OXNAD1: variants seen among roughly 807,000 people sequenced by gnomAD.
OXNAD1 encodes oxidoreductase NAD-binding domain-containing protein 1.
A neutral mutation model predicts 32.9 loss-of-function variants in OXNAD1; 34 were observed. That is an observed-to-expected ratio of 1.03 (90% CI 0.79 to 1.38). The LOEUF (loss-of-function observed/expected upper bound fraction) is 1.38. Ranked by LOEUF, OXNAD1 falls within the 40% of genes most tolerant of loss-of-function variation. OXNAD1 has a pLI of 0.00. For synonymous variants in OXNAD1, 134 were observed against 135.2 expected (o/e 0.99, Z 0.06); for missense variants, 407 against 379.4 (o/e 1.07, Z -0.60).
At chr3:16,296,634 GT>G (rs1339898058) in intron 6 of OXNAD1, among the ~76,000 whole-genome samples, 1 of 152,144 alleles carries the variant, frequency 6.6e-6, no homozygotes, top group Admixed American at 6.5e-5. Context: ...ATCAAATAAT[GT>G]TACAGAATGA....
At position 16,294,977 on chromosome 3, in the gene OXNAD1, G is replaced by A; in HGVS notation, c.412G>A (p.Ala138Thr). The A allele has an allele frequency of 6.2e-7, 1 of 1,612,194 alleles. No individual in the cohort carries two copies. The highest frequency in any genetic ancestry group is 1.3e-5 in the African/African-American group (1 of 74,832). ...LAVKYTNHPP[A>T]LWVHNTCTLD... The stretch of plus-strand genomic sequence containing the variant: ...AGTGAAATATACGAACCACCCTCCT[G>A]CCCTCTGGGTTCACAATACGGTAAG... The change falls in exon 6 of 9, where the codon GCC (alanine) becomes ACC (threonine). Residue 138 changes from alanine (A) to threonine (T), a missense_variant. By Grantham distance (58) the Ala-to-Thr change is moderately conservative (BLOSUM62 0). Coordinates refer to ENST00000285083, the MANE Select transcript of OXNAD1 (RefSeq NM_138381.5).
At chr3:16,326,626 TCTG>T (rs1463968037) in intron 9 of OXNAD1, 2 of 628,322 alleles carry the variant, frequency 3.2e-6, no homozygotes, top group Admixed American at 2.9e-5. Flanking sequence ...AAATTCTGGC[TCTG>T]CTGCTTCCCA....
chr3:16,336,100 G>A lies in OXNAD1; in HGVS notation c.*31-1012G>A, dbSNP rs2070822426. 6.6e-6 allele frequency among the ~76,000 whole-genome samples: 1 copy of A among 152,228 alleles called. No homozygotes were observed. The highest frequency in any genetic ancestry group is 2.4e-5 in the African/African-American group (1 of 41,470). On this transcript the variant is annotated intron_variant, in intron 9 of 9. Transcript: ENST00000435829. This position sits in a 1 kb window ranked among gnomAD's most constrained non-coding sequence, Gnocchi z 6.0. ...GAGGCAGGGTGGACAGGAATGCCAA[G>A]ACAGAAAGAAGGGCCACTTCACCTC... is the stretch of plus-strand genomic sequence containing the variant.
rs1182017677 is a variant in OXNAD1, at chr3:16,346,928, C to G, written c.*31-2248C>G. Among the ~76,000 whole-genome samples the G allele has an allele frequency of 6.6e-6, 1 of 152,122 alleles. No individual in the cohort carries two copies. The highest frequency in any genetic ancestry group is 1.5e-5 in the Non-Finnish European group (1 of 68,020). On this transcript the variant is annotated intron_variant, in intron 9 of 9. Coordinates refer to the OXNAD1 transcript ENST00000606098. The surrounding 1 kb of genome is among the most constrained non-coding windows in gnomAD (Gnocchi z 4.4). ...TGACAAAGCTGACTCTGCAACCTCC[C>G]CACCTTGCTCTAGACTTCCTGCTCA...
At chr3:16,323,112 C>G (rs917623650) in intron 9 of OXNAD1, among the ~76,000 whole-genome samples, 2 of 152,186 alleles carry the variant, frequency 1.3e-5, no homozygotes, top group African/African-American at 2.4e-5. Flanking sequence ...GAATATCTAG[C>G]AGGCTGAAGC....
chr3:16,281,831 G>A (rs1009856851), intron 4 of OXNAD1, among the ~76,000 whole-genome samples: 3 of 151,172 alleles, frequency 2.0e-5, no homozygotes, highest in Non-Finnish European at 2.9e-5. Flanking sequence ...AATCTACCTC[G>A]AGGCTGTATT....
chr3:16,278,801 C>T (rs1431627392), intron 4 of OXNAD1, among the ~76,000 whole-genome samples: 1 of 152,134 alleles, frequency 6.6e-6, no homozygotes, highest in African/African-American at 2.4e-5. Context: ...ATGGCTGGGC[C>T]CCTGGGGCAG....
At chr3:16,331,703 CT>C (rs1553720984) in intron 9 of OXNAD1, among the ~76,000 whole-genome samples, 1 of 152,206 alleles carries the variant, frequency 6.6e-6, no homozygotes, top group Non-Finnish European at 1.5e-5. Flanking sequence ...CTAATCTGGT[CT>C]GGCTGCTTTT....
In OXNAD1 at chr3:16,312,347, C is replaced by T. The variant is rs2068034884; in HGVS notation, c.*30+8755C>T. ...CATAGTGCAGGCAGAGCACTAATCA[C>T]CAGGGGCCCACCCTGCACTACTCAC... On this transcript the variant is annotated intron_variant, in intron 9 of 9. Coordinates refer to the OXNAD1 transcript ENST00000435829. The surrounding 1 kb of genome is among the most constrained non-coding windows in gnomAD (Gnocchi z 4.7). 1.3e-5 allele frequency among the ~76,000 whole-genome samples: 2 copies of T among 152,164 alleles called. No homozygotes were observed. The highest frequency in any genetic ancestry group is 1.3e-4 in the Admixed American group (2 of 15,280).
chr3:16,306,334 GGT>G (rs892186965), downstream of OXNAD1, among the ~76,000 whole-genome samples: 1 of 152,092 alleles, frequency 6.6e-6, no homozygotes, highest in African/African-American at 2.4e-5. Flanking sequence ...TCTTCTTGCT[GGT>G]GTGTTTTCAA....
intron 5 of OXNAD1, among the ~76,000 whole-genome samples, chr3:16,292,779 G>C (rs1407816721): frequency 6.6e-6 from 1 of 152,198 alleles, no homozygotes; most frequent in African/African-American, 2.4e-5. Context: ...TGAGTAGACT[G>C]TTCTTTTGCC....
intron 4 of OXNAD1, chr3:16,272,384 T>C (rs1251637911): frequency 4.4e-6 from 1 of 229,282 alleles, no homozygotes; most frequent in Non-Finnish European, 8.9e-6. Flanking sequence ...TTTTTGAATG[T>C]TTATCACTTA....
chr3:16,268,642 T>G (rs2064722957), intron 1 of OXNAD1, among the ~76,000 whole-genome samples: 1 of 152,136 alleles, frequency 6.6e-6, no homozygotes, highest in African/African-American at 2.4e-5. Context: ...GAACTACTTT[T>G]AAAATTAACA....
Position 16,265,562 on chromosome 3 carries a change from T to C in OXNAD1, c.-159+57T>C, listed in dbSNP as rs947133222. On this transcript the variant is annotated intron_variant, in intron 1 of 8. Coordinates refer to ENST00000285083, the MANE Select transcript of OXNAD1 (RefSeq NM_138381.5). The surrounding 1 kb of genome is among the most constrained non-coding windows in gnomAD (Gnocchi z 4.8). ...CTTAAAATACCCTAAATTGTGTTGC[T>C]GAAAGGACCAAGCCCTGGAAGGCAG... 1 of 152,290 alleles carries C rather than the reference T, an allele frequency of 6.6e-6. No individual in the cohort carries two copies. Among genetic ancestry groups the C allele is most frequent in the Admixed American group, 6.5e-5 (1 of 15,278 alleles). The allele number at this position is 152,290 out of a possible 1,614,324, so 9.4% of individuals were successfully genotyped here. A position where few individuals can be genotyped will look rare whatever the true frequency, so the allele number is the denominator to read the frequency against.
intron 4 of OXNAD1, among the ~76,000 whole-genome samples, chr3:16,272,860 A>C (rs933185485): frequency 2.0e-5 from 3 of 151,930 alleles, no homozygotes; most frequent in Admixed American, 2.0e-4. Flanking sequence ...GAAAAAAAAA[A>C]GTGATTTATC....
At chr3:16,276,027 T>TA (rs1221974673) in intron 4 of OXNAD1, 1 of 155,308 alleles carries the variant, frequency 6.4e-6, no homozygotes, top group Non-Finnish European at 1.4e-5. Context: ...TTAACTAGTT[T>TA]AAGAGTTAAC....
At position 16,329,585 on chromosome 3, in the gene OXNAD1, C is replaced by T. The variant is rs769622640; in HGVS notation, c.*31-7527C>T. On this transcript the variant is annotated intron_variant, in intron 9 of 9. Transcript: ENST00000435829. This position sits in a 1 kb window ranked among gnomAD's most constrained non-coding sequence, Gnocchi z 4.5. ...CCAGACCAGCACAGCCCGTATTCCT[C>T]CTGCTGGGTGCCACGCTCACCACCT... Among the ~76,000 whole-genome samples, 1 of 152,202 alleles carries T rather than the reference C, an allele frequency of 6.6e-6. No homozygotes were observed.
At chr3:16,340,053 G>GA (rs565082510), downstream of OXNAD1, among the ~76,000 whole-genome samples, 3 of 152,306 alleles carry the variant, frequency 2.0e-5, no homozygotes, top group South Asian at 6.2e-4. Context: ...ATTCACGTAT[G>GA]AAAATTAGAC....
At position 16,321,803 on chromosome 3, in the gene OXNAD1, C is replaced by T. The variant is rs1226946308; in HGVS notation, c.*31-15309C>T. Among the ~76,000 whole-genome samples the T allele has an allele frequency of 6.6e-6, 1 of 152,208 alleles. No homozygotes were observed. Among genetic ancestry groups the T allele is most frequent in the Non-Finnish European group, 1.5e-5 (1 of 68,030 alleles). ...GGGTCCCATCCTCTCTGAATTTTCC[C>T]TGAGGAGAGTCAGTTCAACCTTATT... On this transcript the variant is annotated intron_variant, in intron 9 of 9. Transcript: ENST00000435829. This position sits in a 1 kb window ranked among gnomAD's most constrained non-coding sequence, Gnocchi z 4.8.
Sources: gnomAD v4.1 joint callset for allele counts (sites outside exome capture counted in the v4.1 genomes callset) on GRCh38, gnomAD v4.1.1 for gene constraint, Gnocchi (gnomAD v3.1) non-coding constraint, MANE v1.5 for transcripts, NCBI Gene and HGNC (gene_info 2026-07-23, HGNC 2026-07-21) for gene names.